The following SBF2 variants were observed in gnomAD, a reference collection of about 807,000 sequenced individuals.
SBF2 encodes SET binding factor 2, also known as myotubularin-related protein 13.
In SBF2, 112 loss-of-function variants were observed where a neutral mutation model predicts 225.2. The observed-to-expected ratio is 0.50, with a 90% CI of 0.43 to 0.58. The LOEUF (loss-of-function observed/expected upper bound fraction) is 0.58, where lower values mean the gene tolerates loss of function less well. SBF2 is among the 20% of genes least tolerant of loss of function. SBF2 has a pLI of 0.00. For synonymous variants in SBF2, 763 were observed against 773.3 expected (o/e 0.99, Z 0.22); for missense variants, 1,996 against 2,206.2 (o/e 0.90, Z 1.91).
intron 14 of SBF2, among the ~76,000 whole-genome samples, chr11:9,967,422 G>A (rs1482392711): frequency 2.6e-5 from 4 of 151,210 alleles, no homozygotes; most frequent in African/African-American, 9.7e-5. Context: ...CAACATAGAC[G>A]TACATTGGAA....
intron 1 of SBF2, among the ~76,000 whole-genome samples, chr11:10,248,598 A>G (rs897619442): frequency 2.0e-5 from 3 of 152,232 alleles, no homozygotes; most frequent in Non-Finnish European, 4.4e-5. Context: ...TTAACAGTGT[A>G]ATGTATATTT....
intron 2 of SBF2, among the ~76,000 whole-genome samples, chr11:10,059,751 G>C (rs2090227172): frequency 6.6e-6 from 1 of 152,122 alleles, no homozygotes; most frequent in Non-Finnish European, 1.5e-5. Context: ...CAATTATTTG[G>C]AAAATAAACA....
At chr11:9,824,573 A>C (rs557035482) in intron 28 of SBF2, among the ~76,000 whole-genome samples, 1 of 152,080 alleles carries the variant, frequency 6.6e-6, no homozygotes, top group African/African-American at 2.4e-5. Context: ...AAAAAAAAAA[A>C]AAAAGAAAAA....
chr11:9,847,532 A>AG (rs1856636987), intron 22 of SBF2, among the ~76,000 whole-genome samples: 1 of 151,624 alleles, frequency 6.6e-6, no homozygotes, highest in Non-Finnish European at 1.5e-5. Flanking sequence ...AAAAAAAAAA[A>AG]TACTCCTCAA....
At chr11:10,211,141 T>C (rs1185109787) in intron 1 of SBF2, among the ~76,000 whole-genome samples, 4 of 151,944 alleles carry the variant, frequency 2.6e-5, no homozygotes, top group Non-Finnish European at 5.9e-5. Flanking sequence ...TGCATGCTCA[T>C]GTCACTGGTA....
chr11:10,033,900 G>A lies in SBF2; in HGVS notation c.280-2730C>T, dbSNP rs549088692. ...TTACAATGACAGATTTTCACCCATT[G>A]GAAAGATGTGAAAAACTTAAAAATA... On this transcript the variant is annotated intron_variant, in intron 3 of 39. Coordinates refer to ENST00000256190, the MANE Select transcript of SBF2 (RefSeq NM_030962.4). 5.3e-5 allele frequency among the ~76,000 whole-genome samples: 8 copies of A among 152,128 alleles called. No individual in the cohort carries two copies. The South Asian group carries it at 1.4e-3, about 28-fold the overall frequency.
intron 1 of SBF2, among the ~76,000 whole-genome samples, chr11:10,196,856 A>ATTTTT (rs1294974721): frequency 5.6e-5 from 1 of 17,836 alleles, no homozygotes; most frequent in Admixed American, 7.2e-4. Flanking sequence ...ATATATATAT[A>ATTTTT]TATATATATA....
chr11:10,043,041 T>G, intron 2 of SBF2, 60 bp from the exon 3 acceptor site: 1 of 1,526,986 alleles, frequency 6.5e-7, no homozygotes, highest in South Asian at 1.2e-5. Flanking sequence ...ATTATTAATC[T>G]CTGAGAAATT....
intron 13 of SBF2, among the ~76,000 whole-genome samples, chr11:9,975,483 T>C (rs1237080385): frequency 6.6e-6 from 1 of 152,180 alleles, no homozygotes; most frequent in Non-Finnish European, 1.5e-5. Context: ...GGTGGGAAGA[T>C]GTGACTATAA....
At chr11:9,950,677 T>C (rs1481379352) in intron 16 of SBF2, among the ~76,000 whole-genome samples, 1 of 152,176 alleles carries the variant, frequency 6.6e-6, no homozygotes, top group East Asian at 1.9e-4. Flanking sequence ...AACATGTCCG[T>C]CAACATTCTC....
chr11:10,212,778 G>A (rs1048646209), intron 1 of SBF2, among the ~76,000 whole-genome samples: 11 of 152,302 alleles, frequency 7.2e-5, no homozygotes, highest in East Asian at 1.9e-4. Context: ...GCGGCAGGGC[G>A]CGCTGGCTCA....
chr11:10,109,779 ATC>A (rs1315366902), intron 2 of SBF2, among the ~76,000 whole-genome samples: 1 of 152,326 alleles, frequency 6.6e-6, no homozygotes, highest in African/African-American at 2.4e-5. Flanking sequence ...AGTTTAATTG[ATC>A]TCTCTTTCAT....
At position 9,877,987 on chromosome 11, in the gene SBF2, G is replaced by A. The variant is rs561825792; in HGVS notation, c.1929+17956C>T. ...GAATCACCACACTGTCTTCCACAAT[G>A]GTTGAACTCATTTACACTCCCACCA... On this transcript the variant is annotated intron_variant, in intron 17 of 39. Coordinates refer to ENST00000256190, the MANE Select transcript of SBF2 (RefSeq NM_030962.4). Among the ~76,000 whole-genome samples, 15 of 152,226 alleles carry A rather than the reference G, an allele frequency of 9.9e-5. No homozygotes were observed. The South Asian group carries it at 2.9e-3, about 29-fold the overall frequency.
In SBF2 at chr11:10,085,742, G is replaced by A. The variant is rs561036018; in HGVS notation, c.142-42761C>T. ...ATTTTGAATACTGTTTTAATGGCTC[G>A]TTTTGAGTGGAAGATGTTTTTCTGC... On this transcript the variant is annotated intron_variant, in intron 2 of 39. Transcript: ENST00000256190. Among the ~76,000 whole-genome samples, 46 of 152,096 alleles carry A rather than the reference G, an allele frequency of 3.0e-4. No individual in the cohort carries two copies. The South Asian group carries it at 3.1e-3, about 10-fold the overall frequency.
At chr11:10,249,388 C>G (rs192172369) in intron 1 of SBF2, among the ~76,000 whole-genome samples, 2 of 151,782 alleles carry the variant, frequency 1.3e-5, no homozygotes, top group Non-Finnish European at 2.9e-5. Flanking sequence ...ATGGCTTTCT[C>G]GAACAAGATT....
At chr11:9,875,792 T>C (rs1471860544) in intron 17 of SBF2, among the ~76,000 whole-genome samples, 1 of 152,186 alleles carries the variant, frequency 6.6e-6, no homozygotes, top group African/African-American at 2.4e-5. Context: ...GAAGCCAAAA[T>C]AGATTTTTCT....
intron 17 of SBF2, among the ~76,000 whole-genome samples, chr11:9,862,441 T>A (rs1857832538): frequency 6.6e-6 from 1 of 152,256 alleles, no homozygotes; most frequent in Non-Finnish European, 1.5e-5. Context: ...AGGTGTTCAC[T>A]GTGCATTTGA....
intron 37 of SBF2, 82 bp from the exon 38 acceptor site, chr11:9,784,520 T>TGTCAA: frequency 2.7e-6 from 3 of 1,098,576 alleles, no homozygotes; most frequent in African/African-American, 1.5e-5. Context: ...CTGTTGTTTT[T>TGTCAA]GTCAAGTCTC....
chr11:9,936,943 G>A (rs886453912), intron 16 of SBF2, among the ~76,000 whole-genome samples: 1 of 152,152 alleles, frequency 6.6e-6, no homozygotes, highest in African/African-American at 2.4e-5. Flanking sequence ...AAGAAAGAGT[G>A]GCATTAATCA....
Sources: allele counts gnomAD v4.1 joint callset (sites outside exome capture counted in the v4.1 genomes callset), GRCh38; gene constraint gnomAD v4.1.1; transcripts MANE v1.5; gene names NCBI Gene and HGNC (gene_info 2026-07-23, HGNC 2026-07-21).